The following CAMKMT variants were observed in gnomAD, a reference collection of about 807,000 sequenced individuals.
CAMKMT encodes calmodulin-lysine N-methyltransferase, also known as CaM KMT.
A neutral mutation model predicts 48.0 loss-of-function variants in CAMKMT; 53 were observed. The observed-to-expected ratio is 1.10, with a 90% CI of 0.89 to 1.39. The LOEUF is 1.39. Ranked by LOEUF, CAMKMT falls within the 40% of genes most tolerant of loss-of-function variation. The pLI, the probability that CAMKMT is intolerant of heterozygous loss-of-function variation, is 0.00. For synonymous variants in CAMKMT, 165 were observed against 152.3 expected, an observed-to-expected ratio of 1.08 and a Z score of -0.61; for missense variants, 428 against 402.7, an observed-to-expected ratio of 1.06 and a Z score of -0.54.
intron 3 of CAMKMT, among the ~76,000 whole-genome samples, chr2:44,681,410 T>A (rs1573063289): frequency 6.6e-6 from 1 of 152,138 alleles, no homozygotes; most frequent in East Asian, 1.9e-4. Flanking sequence ...AGAAGCCCAG[T>A]CCTATTTATT....
intron 3 of CAMKMT, among the ~76,000 whole-genome samples, chr2:44,568,963 G>C (rs1362838578): frequency 6.6e-6 from 1 of 152,176 alleles, no homozygotes; most frequent in Non-Finnish European, 1.5e-5. Flanking sequence ...AAGCAATGGT[G>C]GTGGTTGAAA....
intron 3 of CAMKMT, among the ~76,000 whole-genome samples, chr2:44,526,689 T>A (rs1410577959): frequency 6.6e-6 from 1 of 152,196 alleles, no homozygotes; most frequent in Non-Finnish European, 1.5e-5. Flanking sequence ...GATTGGATGA[T>A]GCCCACCTAC....
At chr2:44,504,684 T>C (rs1224377564) in intron 3 of CAMKMT, among the ~76,000 whole-genome samples, 1 of 152,214 alleles carries the variant, frequency 6.6e-6, no homozygotes, top group African/African-American at 2.4e-5. Flanking sequence ...TGATATCTCA[T>C]TATGGCTTTA....
At chr2:44,438,777 A>T (rs1187630188) in intron 3 of CAMKMT, among the ~76,000 whole-genome samples, 1 of 152,108 alleles carries the variant, frequency 6.6e-6, no homozygotes. Flanking sequence ...GGCTCGCTGC[A>T]GCCTTTGCCT....
At chr2:44,589,831 TC>T (rs1256645063) in intron 3 of CAMKMT, among the ~76,000 whole-genome samples, 1 of 71,936 alleles carries the variant, frequency 1.4e-5, no homozygotes, top group Non-Finnish European at 2.8e-5. Context: ...TCCACTATTG[TC>T]CTATGACCCT....
intron 3 of CAMKMT, among the ~76,000 whole-genome samples, chr2:44,479,932 T>G (rs1036915645): frequency 2.6e-5 from 4 of 152,066 alleles, no homozygotes; most frequent in Non-Finnish European, 4.4e-5. Flanking sequence ...TGATGTAAAC[T>G]TTTTTTTCTT....
chr2:44,396,613 G>T (rs1419750564), intron 3 of CAMKMT, among the ~76,000 whole-genome samples: 1 of 152,036 alleles, frequency 6.6e-6, no homozygotes, highest in Non-Finnish European at 1.5e-5. Context: ...AAATTGTAGG[G>T]AACTGGGTAT....
chr2:44,659,922 C>T (rs1261860620), intron 3 of CAMKMT, among the ~76,000 whole-genome samples: 1 of 151,930 alleles, frequency 6.6e-6, no homozygotes, highest in Admixed American at 6.6e-5. Context: ...ATTTTTGGTC[C>T]CTGGACACCT....
At position 44,415,158 on chromosome 2, in the gene CAMKMT, GA is replaced by G. The variant is rs544529574; in HGVS notation, c.376+24861del. 2.7e-4 allele frequency among the ~76,000 whole-genome samples: 41 copies of G among 151,818 alleles called. 2 individuals are homozygous for G. In the South Asian group the frequency reaches 7.9e-3, roughly 29 times the overall value. ...GAGTGAGACTCCGTCTCGGAAAAAA[GA>G]AAAAAAATTCTGGGTATTATTCTTA... On this transcript the variant is annotated intron_variant, in intron 3 of 10. Transcript: ENST00000378494.
chr2:44,537,956 T>G (rs1251608859), intron 3 of CAMKMT, among the ~76,000 whole-genome samples: 1 of 152,196 alleles, frequency 6.6e-6, no homozygotes, highest in Non-Finnish European at 1.5e-5. Context: ...CTACTGGGTA[T>G]CTACCCAACG....
intron 2 of CAMKMT, among the ~76,000 whole-genome samples, chr2:44,375,413 T>C (rs1309856995): frequency 6.6e-6 from 1 of 151,480 alleles, no homozygotes; most frequent in Admixed American, 6.6e-5. Context: ...TACAATACTA[T>C]GCTTAAGGAG....
chr2:44,746,890 C>A (rs1679940338), intron 8 of CAMKMT, among the ~76,000 whole-genome samples: 2 of 152,136 alleles, frequency 1.3e-5, no homozygotes, highest in Admixed American at 1.3e-4. Flanking sequence ...TGTTCAATCA[C>A]AATATAATCT....
intron 3 of CAMKMT, among the ~76,000 whole-genome samples, chr2:44,572,057 T>C (rs1195503717): frequency 6.6e-6 from 1 of 152,330 alleles, no homozygotes; most frequent in East Asian, 1.9e-4. Flanking sequence ...AGTATATTTA[T>C]GTTGTTGTGC....
chr2:44,534,671 A>G (rs1174279343), intron 3 of CAMKMT, among the ~76,000 whole-genome samples: 4 of 152,156 alleles, frequency 2.6e-5, no homozygotes, highest in African/African-American at 4.8e-5. Flanking sequence ...AAATCAAAAA[A>G]TATCTTAAAT....
chr2:44,527,308 T>A (rs1444212469), intron 3 of CAMKMT, among the ~76,000 whole-genome samples: 2 of 144,364 alleles, frequency 1.4e-5, no homozygotes, highest in Non-Finnish European at 3.0e-5. Context: ...ACATATATTA[T>A]TATATATTAT....
intron 3 of CAMKMT, among the ~76,000 whole-genome samples, chr2:44,687,083 A>G (rs1031453234): frequency 9.9e-5 from 15 of 152,224 alleles, no homozygotes; most frequent in African/African-American, 3.6e-4. Flanking sequence ...TCTTGGCTAC[A>G]CTAGTAAACA....
chr2:44,379,247 C>T (rs1026357411), intron 2 of CAMKMT, among the ~76,000 whole-genome samples: 30 of 152,310 alleles, frequency 2.0e-4, no homozygotes, highest in African/African-American at 7.2e-4. Flanking sequence ...TACCACATAA[C>T]AGTACCTCAT....
intron 3 of CAMKMT, among the ~76,000 whole-genome samples, chr2:44,624,901 A>G (rs1156945070): frequency 6.6e-6 from 1 of 152,212 alleles, no homozygotes. Flanking sequence ...GAATCACCAC[A>G]CTGACTTCCA....
At chr2:44,500,221 G>C (rs552808230) in intron 3 of CAMKMT, among the ~76,000 whole-genome samples, 1 of 152,174 alleles carries the variant, frequency 6.6e-6, no homozygotes, top group Non-Finnish European at 1.5e-5. Flanking sequence ...TATCTAAGTA[G>C]GTTTTACACT....
Sources: allele counts gnomAD v4.1 joint callset (sites outside exome capture counted in the v4.1 genomes callset), GRCh38; gene constraint gnomAD v4.1.1; transcripts MANE v1.5; gene names NCBI Gene and HGNC (gene_info 2026-07-23, HGNC 2026-07-21).